DNER: variants seen among roughly 807,000 people sequenced by gnomAD.
DNER encodes the protein delta and Notch-like epidermal growth factor-related receptor.
Under a neutral mutation model 78.2 loss-of-function variants are expected in DNER, and 33 were observed. That is an observed-to-expected ratio of 0.42 (90% CI 0.32 to 0.56). The LOEUF (loss-of-function observed/expected upper bound fraction) is 0.56. Among genes scored for constraint, DNER ranks in the 20% least tolerant of loss-of-function variants. DNER has a pLI of 0.11. For missense variants in DNER, 918 were observed against 975.3 expected, an observed-to-expected ratio of 0.94 and a Z score of 0.78; for synonymous variants, 417 against 384.8, an observed-to-expected ratio of 1.08 and a Z score of -0.98.
chr2:229,458,440 G>A (rs963107973), intron 7 of DNER, among the ~76,000 whole-genome samples: 1 of 151,802 alleles, frequency 6.6e-6, no homozygotes, highest in African/African-American at 2.4e-5. Context: ...GTAACTGACA[G>A]AATCAATTGA....
intron 5 of DNER, among the ~76,000 whole-genome samples, chr2:229,542,774 G>T (rs1696540491): frequency 4.2e-5 from 2 of 48,054 alleles, no homozygotes; most frequent in Admixed American, 2.6e-4. Context: ...ACCCAAGTAG[G>T]CAAAAAAAAA....
At chr2:229,490,308 A>G (rs1022893391) in intron 6 of DNER, among the ~76,000 whole-genome samples, 1 of 152,244 alleles carries the variant, frequency 6.6e-6, no homozygotes, top group Admixed American at 6.5e-5. Context: ...ATTATTCACA[A>G]TAGCCAAAAG....
chr2:229,429,139 G>A (rs1159025781), intron 8 of DNER, among the ~76,000 whole-genome samples: 1 of 152,146 alleles, frequency 6.6e-6, no homozygotes, highest in Non-Finnish European at 1.5e-5. Flanking sequence ...GGGGCTGGGG[G>A]TACAATGTGA....
At chr2:229,708,947 G>A (rs533968404) in intron 1 of DNER, among the ~76,000 whole-genome samples, 31 of 152,186 alleles carry the variant, frequency 2.0e-4, no homozygotes, top group African/African-American at 7.5e-4. Flanking sequence ...AAAACTTCAA[G>A]TCACTGAGAA....
chr2:229,498,460 T>A (rs900467986), intron 6 of DNER, among the ~76,000 whole-genome samples: 1 of 152,104 alleles, frequency 6.6e-6, no homozygotes, highest in African/African-American at 2.4e-5. Flanking sequence ...CGCTTCCAAA[T>A]CAGAATGGAA....
chr2:229,562,770 T>C (rs1275843302), intron 4 of DNER, among the ~76,000 whole-genome samples: 1 of 152,098 alleles, frequency 6.6e-6, no homozygotes, highest in South Asian at 2.1e-4. Flanking sequence ...GCACTATCTA[T>C]TTCCTGGGGT....
chr2:229,592,176 G>A (rs530500878), intron 1 of DNER, among the ~76,000 whole-genome samples: 2 of 152,194 alleles, frequency 1.3e-5, no homozygotes, highest in Non-Finnish European at 2.9e-5. Flanking sequence ...CAGTTATTTA[G>A]AGTAATTTTC....
chr2:229,498,103 G>A (rs945953975), intron 6 of DNER, among the ~76,000 whole-genome samples: 3 of 152,028 alleles, frequency 2.0e-5, no homozygotes, highest in Non-Finnish European at 2.9e-5. Context: ...TTTATCCATG[G>A]GATGCAAGGA....
chr2:229,420,889 C>A (rs79422145), intron 8 of DNER, among the ~76,000 whole-genome samples: 7 of 152,220 alleles, frequency 4.6e-5, no homozygotes, highest in African/African-American at 1.7e-4. Context: ...ATAGAACCAC[C>A]ACATGATCCA....
intron 6 of DNER, among the ~76,000 whole-genome samples, chr2:229,481,868 T>A (rs1695167329): frequency 6.6e-6 from 1 of 152,188 alleles, no homozygotes; most frequent in Non-Finnish European, 1.5e-5. Context: ...CCATTCTGTG[T>A]GTGTTATGGA....
intron 10 of DNER, among the ~76,000 whole-genome samples, chr2:229,391,916 A>C (rs1049239004): frequency 3.3e-5 from 5 of 152,206 alleles, no homozygotes; most frequent in Admixed American, 1.3e-4. Flanking sequence ...GGTAGTACTT[A>C]TGTAGATTTA....
Position 229,386,344 on chromosome 2 carries a change from G to A in DNER, c.1855+1921C>T, listed in dbSNP as rs940686029. Among the ~76,000 whole-genome samples, 7 of 152,106 alleles carry A rather than the reference G, an allele frequency of 4.6e-5. No homozygotes were observed. The East Asian group carries it at 1.2e-3, about 25-fold the overall frequency. On this transcript the variant is annotated intron_variant, in intron 11 of 12. Transcript: ENST00000341772. ...CTCAAGATGGATAAAAGACTTACAC[G>A]TAAGACCTAAAACTGTAAAAACCCT... is the stretch of plus-strand genomic sequence containing the variant.
At chr2:229,431,649 G>T (rs541923125) in intron 8 of DNER, among the ~76,000 whole-genome samples, 1 of 122,098 alleles carries the variant, frequency 8.2e-6, no homozygotes, top group Non-Finnish European at 1.6e-5. Context: ...GTGTGGGGAG[G>T]GGGGAGGGAT....
intron 7 of DNER, among the ~76,000 whole-genome samples, chr2:229,458,004 T>G (rs1694612577): frequency 6.6e-6 from 1 of 150,452 alleles, no homozygotes. Flanking sequence ...GGTGTGGTGG[T>G]GTGCACCTGT....
intron 1 of DNER, among the ~76,000 whole-genome samples, chr2:229,684,842 C>T (rs1328041509): frequency 2.0e-5 from 3 of 152,124 alleles, no homozygotes; most frequent in Admixed American, 6.5e-5. Flanking sequence ...AATTAGAAAG[C>T]AGTATGGGCT....
chr2:229,453,684 C>A (rs1044864131), intron 7 of DNER, among the ~76,000 whole-genome samples: 6 of 152,056 alleles, frequency 3.9e-5, no homozygotes, highest in African/African-American at 1.4e-4. Context: ...TCTCCTAGCA[C>A]CTACCCCACC....
chr2:229,607,202 CACA>C (rs1414607431), intron 1 of DNER, among the ~76,000 whole-genome samples: 1 of 152,096 alleles, frequency 6.6e-6, no homozygotes, highest in East Asian at 1.9e-4. Flanking sequence ...TTTAATTCCT[CACA>C]ACTTCTTTAA....
At chr2:229,399,811 A>G (rs1212214664) in intron 10 of DNER, among the ~76,000 whole-genome samples, 1 of 152,050 alleles carries the variant, frequency 6.6e-6, no homozygotes, top group Non-Finnish European at 1.5e-5. Context: ...TTGAAAAATT[A>G]TACTTACATA....
chr2:229,617,173 A>T lies in DNER; in HGVS notation c.277-25285T>A, dbSNP rs4972905. On this transcript the variant is annotated intron_variant, in intron 1 of 12. Coordinates refer to ENST00000341772, the MANE Select transcript of DNER (RefSeq NM_139072.4). ...AATCAGGATGGAGAGTATGGTAACTAAAATAAGAAAAAAAGAGCTCCCTTT... is the reference window on the plus strand; with the variant it reads ...AATCAGGATGGAGAGTATGGTAACTTAAATAAGAAAAAAAGAGCTCCCTTT... Among the ~76,000 whole-genome samples the T allele has an allele frequency of 1.9e-3, 283 of 152,118 alleles. 2 individuals carry two copies. The highest frequency in any genetic ancestry group is 2.4e-3 in the Non-Finnish European group (164 of 67,958).
Sources: gnomAD v4.1 joint callset for allele counts (sites outside exome capture counted in the v4.1 genomes callset) on GRCh38, gnomAD v4.1.1 for gene constraint, MANE v1.5 for transcripts, NCBI Gene and HGNC (gene_info 2026-07-23, HGNC 2026-07-21) for gene names.